TSBP1: variants seen among roughly 807,000 people sequenced by gnomAD.
TSBP1 encodes testis expressed basic protein 1.
TSBP1 carries 56 observed loss-of-function variants against 68.8 expected under a neutral mutation model. That is an observed-to-expected ratio of 0.81 (90% CI 0.66 to 1.02). The LOEUF (loss-of-function observed/expected upper bound fraction) is 1.02. Ranked by LOEUF, TSBP1 falls within the 50% of genes least tolerant of loss-of-function variation. The pLI, the probability that TSBP1 is intolerant of heterozygous loss-of-function variation, is 0.00. For synonymous variants in TSBP1, 171 were observed against 208.7 expected, an observed-to-expected ratio of 0.82 and a Z score of 1.56; for missense variants, 502 against 641.2, an observed-to-expected ratio of 0.78 and a Z score of 2.34.
At chr6:32,355,285 G>T in intron 7 of TSBP1, 141 bp from the exon 8 acceptor site, 1 of 798,938 alleles carries the variant, frequency 1.3e-6, no homozygotes, top group Non-Finnish European at 2.1e-6. Flanking sequence ...CTGGTGATGG[G>T]TACTGACAGC....
chr6:32,363,317 T>C (rs1039547236), intron 6 of TSBP1, among the ~76,000 whole-genome samples: 3 of 152,142 alleles, frequency 2.0e-5, no homozygotes, highest in African/African-American at 7.2e-5. Context: ...TGTTTTTAAA[T>C]ACATTTAGCT....
At position 32,333,097 on chromosome 6, in the gene TSBP1, C is replaced by T. The variant is rs1161885506; in HGVS notation, c.473-1043G>A. 6.6e-6 allele frequency among the ~76,000 whole-genome samples: 1 copy of T among 151,984 alleles called. No individual in the cohort carries two copies. The highest frequency in any genetic ancestry group is 6.6e-5 in the Admixed American group (1 of 15,244). ...GATCTCGGCTCACTGCAACCTCTGC[C>T]TCCTGGGTTCAAGCGATTCTCCTGC... On this transcript the variant is annotated intron_variant, in intron 14 of 22. Coordinates refer to ENST00000612031, the Ensembl canonical transcript of TSBP1. This position sits in a 1 kb window ranked among gnomAD's most constrained non-coding sequence, Gnocchi z 4.2.
At chr6:32,349,576 T>TA in intron 9 of TSBP1, 164 bp downstream of exon 9, 1 of 582,804 alleles carries the variant, frequency 1.7e-6, no homozygotes, top group East Asian at 2.8e-5. Context: ...TACTTTTGAC[T>TA]GATTATTGAA....
intron 18 of TSBP1, among the ~76,000 whole-genome samples, chr6:32,322,105 T>G (rs1361322262): frequency 6.6e-6 from 1 of 152,220 alleles, no homozygotes; most frequent in Non-Finnish European, 1.5e-5. Context: ...AATTTCAGGC[T>G]GAGGAATCCC....
At position 32,343,228 on chromosome 6, in the gene TSBP1, A is replaced by T; in HGVS notation, c.350-3590T>A. ...CAACACCAGAGTTTGAAACAAGAAG[A>T]TAAACTTACTCATGGATCCTTGAGG... is the stretch of plus-strand genomic sequence containing the variant. On this transcript the variant is annotated intron_variant, in intron 9 of 22. Transcript: ENST00000612031. This position sits in a 1 kb window ranked among gnomAD's most constrained non-coding sequence, Gnocchi z 4.3. The T allele has an allele frequency of 7.2e-7, 1 of 1,394,898 alleles. No homozygotes were observed. The highest frequency in any genetic ancestry group is 9.4e-7 in the Non-Finnish European group (1 of 1,065,244). The allele number at this position is 1,394,898 out of a possible 1,614,324, so 86.4% of individuals were successfully genotyped here.
rs145238546 is a variant in TSBP1, at chr6:32,328,287, G to A, written c.514+2302C>T. On this transcript the variant is annotated intron_variant, in intron 16 of 22. Coordinates refer to ENST00000612031, the Ensembl canonical transcript of TSBP1. ...TTTTGAGACAGAGTCTCGCTCTGTC[G>A]CCCAGGCTGAAGGGCAGTGACACGA... 6.7e-3 allele frequency among the ~76,000 whole-genome samples: 1,016 copies of A among 151,392 alleles called. 18 individuals carry two copies. The highest frequency in any genetic ancestry group is 0.02 in the East Asian group (102 of 5,052).
At chr6:32,362,431 C>T (rs185726259) in intron 6 of TSBP1, among the ~76,000 whole-genome samples, 188 of 152,366 alleles carry the variant, frequency 1.2e-3, no homozygotes, top group Non-Finnish European at 2.0e-3. Context: ...GCCCCCTCAG[C>T]CTTGGACTTT....
At chr6:32,301,455 G>A (rs1405796417) in intron 20 of TSBP1, among the ~76,000 whole-genome samples, 2 of 152,116 alleles carry the variant, frequency 1.3e-5, no homozygotes, top group East Asian at 3.9e-4. Flanking sequence ...GCTCATGCCT[G>A]TAATCCCAGC....
intron 21 of TSBP1, 55 bp from the exon 25 acceptor site, chr6:32,299,991 C>T: frequency 7.0e-7 from 1 of 1,422,556 alleles, no homozygotes. Context: ...TCAAGAGAAA[C>T]CCACCTTCCA....
intron 4 of TSBP1, among the ~76,000 whole-genome samples, chr6:32,366,855 G>A (rs1280041279): frequency 6.6e-6 from 1 of 150,696 alleles, no homozygotes; most frequent in Non-Finnish European, 1.5e-5. Context: ...ATTTTCTTTA[G>A]GTTCCATTTC....
chr6:32,349,514 T>G, intron 9 of TSBP1: 1 of 484,746 alleles, frequency 2.1e-6, no homozygotes. Flanking sequence ...CACTTCAGGT[T>G]TGGAAATTGC....
chr6:32,341,574 C>G, intron 9 of TSBP1, among the ~76,000 whole-genome samples: 1 of 152,112 alleles, frequency 6.6e-6, no homozygotes, highest in East Asian at 1.9e-4. Context: ...TTTGGGAGCT[C>G]TGTTTTCAGA....
chr6:32,324,466 G>A (rs775858317), intron 16 of TSBP1: 1 of 766,418 alleles, frequency 1.3e-6, no homozygotes, highest in South Asian at 1.5e-5. Context: ...TCCTGCAGGG[G>A]ATTGTAAATT....
At position 32,336,035 on chromosome 6, in the gene TSBP1, AG is replaced by A; in HGVS notation, c.431-104del. On this transcript the variant is annotated intron_variant, in intron 12 of 22. Coordinates refer to ENST00000612031, the Ensembl canonical transcript of TSBP1. This position sits in a 1 kb window ranked among gnomAD's most constrained non-coding sequence, Gnocchi z 5.2. ...ACTCGCTCTAGGGAGTATCATAAAT[AG>A]AAACAACGGGAAGATCAAGAGTTGC... 1 of 987,090 alleles carries A rather than the reference AG, an allele frequency of 1.0e-6. No homozygotes were observed. Among genetic ancestry groups the A allele is most frequent in the Non-Finnish European group, 1.6e-6 (1 of 634,738 alleles). 61.1% of individuals were successfully genotyped at this position (987,090 alleles called of 1,614,324 possible).
intron 18 of TSBP1, among the ~76,000 whole-genome samples, chr6:32,318,536 A>T (rs1487691902): frequency 6.6e-6 from 1 of 152,234 alleles, no homozygotes; most frequent in African/African-American, 2.4e-5. Flanking sequence ...AAAGCCAACC[A>T]AAGACATAAT....
At chr6:32,313,593 G>A (rs938201275) in intron 19 of TSBP1, among the ~76,000 whole-genome samples, 3 of 151,906 alleles carry the variant, frequency 2.0e-5, no homozygotes, top group Non-Finnish European at 2.9e-5. Context: ...TATGGTGCTG[G>A]ATTTTCTCAT....
rs2076535 is a variant in TSBP1 at position 32,371,734 on chromosome 6, C to A, written c.-28G>T. 22 of 1,613,726 alleles carry A rather than the reference C, an allele frequency of 1.4e-5. No individual in the cohort carries two copies. In the South Asian group the frequency reaches 2.2e-4, roughly 16 times the overall value. ...TCCATGTATTGTCTTCATCAGGTCT[C>A]GCATCATCTGGATTTCTTTGTCAGA... is the stretch of plus-strand genomic sequence containing the variant. On this transcript the variant is annotated 5_prime_UTR_variant, in exon 1 of 23. Coordinates refer to ENST00000612031, the Ensembl canonical transcript of TSBP1.
intron 19 of TSBP1, among the ~76,000 whole-genome samples, chr6:32,312,814 T>C (rs9268208): frequency 0.054 from 7,890 of 146,454 alleles, 361 homozygotes; most frequent in Non-Finnish European, 0.092. Context: ...GAAGACCTTC[T>C]TCCCACTTCC....
At chr6:32,351,023 T>C (rs1000007662) in intron 8 of TSBP1, among the ~76,000 whole-genome samples, 3 of 152,072 alleles carry the variant, frequency 2.0e-5, no homozygotes, top group Non-Finnish European at 4.4e-5. Context: ...CAGGGAGACA[T>C]ATATGACAGA....
Sources: gnomAD v4.1 joint callset for allele counts (sites outside exome capture counted in the v4.1 genomes callset) on GRCh38, gnomAD v4.1.1 for gene constraint, Gnocchi (gnomAD v3.1) non-coding constraint, MANE v1.5 for transcripts, NCBI Gene and HGNC (gene_info 2026-07-23, HGNC 2026-07-21) for gene names.